Variants in SLC4A5 observed in about 807,000 individuals in gnomAD.
SLC4A5 encodes the protein solute carrier family 4 member 5, also known as electrogenic sodium bicarbonate cotransporter 4.
In SLC4A5, 96 loss-of-function variants were observed where a neutral mutation model predicts 120.4. That is an observed-to-expected ratio of 0.80 (90% confidence interval 0.68 to 0.94). The LOEUF (loss-of-function observed/expected upper bound fraction) is 0.94. Among genes scored for constraint, SLC4A5 ranks in the 40% least tolerant of loss-of-function variants. The probability of loss-of-function intolerance (pLI) is 0.00; values close to 1 mark genes in which losing one functional copy is unlikely to be tolerated. For missense variants in SLC4A5, 1,259 were observed against 1,459.5 expected (o/e 0.86, Z 2.24); for synonymous variants, 550 against 571.1 (o/e 0.96, Z 0.53).
intron 15 of SLC4A5, 64 bp from the exon 16 acceptor site, chr2:74,252,452 A>C (rs1670824405): frequency 6.4e-7 from 1 of 1,550,672 alleles, no homozygotes; most frequent in Non-Finnish European, 8.8e-7. Context: ...CTCCAACCAA[A>C]ATTATGAAAT....
At chr2:74,266,072 A>C (rs1338125692) in intron 8 of SLC4A5, among the ~76,000 whole-genome samples, 2 of 152,238 alleles carry the variant, frequency 1.3e-5, no homozygotes, top group Non-Finnish European at 1.5e-5. Context: ...CTAATTCTAA[A>C]GTTCCTCTAA....
At chr2:74,261,745 T>C (rs899920040) in intron 11 of SLC4A5, among the ~76,000 whole-genome samples, 9 of 152,302 alleles carry the variant, frequency 5.9e-5, no homozygotes, top group South Asian at 2.1e-4. Flanking sequence ...GTGATGGGAA[T>C]GCTGCCTGAC....
intron 6 of SLC4A5, among the ~76,000 whole-genome samples, chr2:74,309,468 A>G (rs1672741939): frequency 6.6e-6 from 1 of 152,018 alleles, no homozygotes; most frequent in Non-Finnish European, 1.5e-5. Context: ...CAGTTCTTCA[A>G]CTTTGTACTT....
intron 7 of SLC4A5, among the ~76,000 whole-genome samples, chr2:74,293,343 G>C (rs1672232083): frequency 6.6e-6 from 1 of 152,166 alleles, no homozygotes; most frequent in African/African-American, 2.4e-5. Flanking sequence ...TGGAATGTCT[G>C]CCCAGCCCAT....
intron 5 of SLC4A5, among the ~76,000 whole-genome samples, chr2:74,319,988 C>T (rs1673056425): frequency 6.6e-6 from 1 of 152,056 alleles, no homozygotes; most frequent in South Asian, 2.1e-4. Flanking sequence ...ACCTATGAAC[C>T]TATAAGTTTT....
chr2:74,222,962 A>G lies in SLC4A5; in HGVS notation c.3247-10T>C, dbSNP rs767850457. 9.4e-6 allele frequency: 15 copies of G among 1,588,054 alleles called. No individual in the cohort carries two copies. The highest frequency in any genetic ancestry group is 3.4e-4 in the Middle Eastern group (2 of 5,964). On this transcript the variant is annotated splice_polypyrimidine_tract_variant and intron_variant, in intron 28 of 30. Coordinates refer to ENST00000394019, the Ensembl canonical transcript of SLC4A5. The stretch of plus-strand genomic sequence containing the variant: ...GAGGAGGGAACTGGGGCTGGAGAAA[A>G]ACAGTGGGAAAAGAGGATAAACACC...
At chr2:74,281,410 G>A (rs192341035) in intron 8 of SLC4A5, among the ~76,000 whole-genome samples, 1 of 152,204 alleles carries the variant, frequency 6.6e-6, no homozygotes, top group Admixed American at 6.5e-5. Flanking sequence ...GGGCATGAGA[G>A]AGGATAGAAT....
Position 74,309,863 on chromosome 2 carries a change from C to T in SLC4A5, c.79+5082G>A, listed in dbSNP as rs540387075. ...TTTTTTAGTAGAGACGGGGTTTCAC[C>T]GTGTTAGCCAGGATGGTCTTCATCT... On this transcript the variant is annotated intron_variant, in intron 6 of 30. Coordinates refer to ENST00000394019, the Ensembl canonical transcript of SLC4A5. Among the ~76,000 whole-genome samples, 19 of 151,844 alleles carry T rather than the reference C, an allele frequency of 1.3e-4. No homozygotes were observed. The South Asian group carries it at 3.1e-3, about 25-fold the overall frequency.
intron 1 of SLC4A5, 116 bp from the exon 2 acceptor site, chr2:74,342,650 G>A (rs1012733849): frequency 3.3e-5 from 5 of 152,154 alleles, no homozygotes; most frequent in African/African-American, 9.7e-5. Context: ...TTTAAGGAAA[G>A]CCAGCTGATC....
At chr2:74,227,662 G>T in intron 26 of SLC4A5, 148 bp downstream of exon 26, 1 of 1,155,026 alleles carries the variant, frequency 8.7e-7, no homozygotes, top group Non-Finnish European at 1.2e-6. Flanking sequence ...GCATCAGTAA[G>T]TGGTAGTATC....
intron 6 of SLC4A5, among the ~76,000 whole-genome samples, chr2:74,309,242 A>G (rs930206332): frequency 1.3e-5 from 2 of 151,970 alleles, no homozygotes; most frequent in Non-Finnish European, 2.9e-5. Flanking sequence ...TTTTTTAAAC[A>G]TATGAATGTC....
chr2:74,232,727 T>C (rs1480932289), intron 23 of SLC4A5, 80 bp from the exon 24 acceptor site: 5 of 1,528,360 alleles, frequency 3.3e-6, no homozygotes, highest in Non-Finnish European at 4.4e-6. Context: ...TGGAACATGG[T>C]TCAAGGACCC....
At chr2:74,242,854 A>G (rs1358880335) in intron 19 of SLC4A5, among the ~76,000 whole-genome samples, 1 of 152,168 alleles carries the variant, frequency 6.6e-6, no homozygotes, top group Non-Finnish European at 1.5e-5. Flanking sequence ...AGGTTTCACC[A>G]TGTTGGCCAG....
intron 26 of SLC4A5, 67 bp downstream of exon 26, chr2:74,227,743 G>A: frequency 7.0e-7 from 1 of 1,422,040 alleles, no homozygotes; most frequent in Non-Finnish European, 9.6e-7. Flanking sequence ...TGGGGGTCTT[G>A]GTGACATGGA....
chr2:74,235,478 A>C (rs888867017), intron 21 of SLC4A5, among the ~76,000 whole-genome samples: 15 of 152,220 alleles, frequency 9.9e-5, no homozygotes, highest in Admixed American at 2.0e-4. Context: ...ACTGTGACAC[A>C]TTTAGAGTGC....
At chr2:74,334,961 G>A (rs1195218136) in intron 3 of SLC4A5, among the ~76,000 whole-genome samples, 1 of 150,618 alleles carries the variant, frequency 6.6e-6, no homozygotes. Context: ...CTAGCAGCTT[G>A]CAGGAGCAGA....
At chr2:74,244,661 G>A (rs572831971) in intron 19 of SLC4A5, among the ~76,000 whole-genome samples, 1 of 152,030 alleles carries the variant, frequency 6.6e-6, no homozygotes, top group South Asian at 2.1e-4. Context: ...TGTCCAGGCT[G>A]GTCTCAAACT....
intron 12 of SLC4A5, 113 bp from the exon 13 acceptor site, chr2:74,256,045 C>T (rs1352769214): frequency 4.3e-6 from 5 of 1,165,636 alleles, no homozygotes; most frequent in Non-Finnish European, 6.0e-6. Flanking sequence ...CCCAATGTTG[C>T]CAAGAGACTG....
chr2:74,247,676 G>A (rs1025099048), intron 18 of SLC4A5, among the ~76,000 whole-genome samples: 5 of 151,964 alleles, frequency 3.3e-5, no homozygotes. Context: ...CGCCACGCCT[G>A]GCTGATTTTT....
Sources: gnomAD v4.1 joint callset for allele counts (sites outside exome capture counted in the v4.1 genomes callset) on GRCh38, gnomAD v4.1.1 for gene constraint, MANE v1.5 for transcripts, NCBI Gene and HGNC (gene_info 2026-07-23, HGNC 2026-07-21) for gene names.